The following DPF3 variants were observed in gnomAD, a reference collection of about 807,000 sequenced individuals.
DPF3 encodes the protein double PHD fingers 3.
In DPF3, 18 loss-of-function variants were observed where a neutral mutation model predicts 56.8. The ratio of observed to expected loss-of-function variants is 0.32; its 90% CI spans 0.22 to 0.47. The LOEUF is 0.47. Among genes scored for constraint, DPF3 ranks in the 20% least tolerant of loss-of-function variants. The pLI, the probability that DPF3 is intolerant of heterozygous loss-of-function variation, is 1.00. For missense variants in DPF3, 403 were observed against 488.8 expected, an observed-to-expected ratio of 0.82 and a Z score of 1.65; for synonymous variants, 188 against 180.2, an observed-to-expected ratio of 1.04 and a Z score of -0.35.
At chr14:72,792,107 G>A (rs1316059990) in intron 1 of DPF3, among the ~76,000 whole-genome samples, 5 of 106,462 alleles carry the variant, frequency 4.7e-5, no homozygotes, top group African/African-American at 7.2e-5. Flanking sequence ...CCCCAACCCC[G>A]ACCCACTGCT....
chr14:72,718,576 T>G (rs1254238535), intron 5 of DPF3, among the ~76,000 whole-genome samples: 1 of 152,296 alleles, frequency 6.6e-6, no homozygotes, highest in East Asian at 1.9e-4. Context: ...ATTTTTCTTG[T>G]AAATCTTTTT....
intron 1 of DPF3, among the ~76,000 whole-genome samples, chr14:72,869,142 G>T (rs550986287): frequency 6.6e-6 from 1 of 152,124 alleles, no homozygotes; most frequent in Non-Finnish European, 1.5e-5. Flanking sequence ...TATTCCCTCT[G>T]CTGGGATCAA....
chr14:72,624,608 G>A (rs1599310949), intron 9 of DPF3, among the ~76,000 whole-genome samples: 1 of 152,100 alleles, frequency 6.6e-6, no homozygotes, highest in East Asian at 1.9e-4. Context: ...CAAAGTGCTG[G>A]GATTACAGGC....
intron 7 of DPF3, among the ~76,000 whole-genome samples, chr14:72,680,814 G>A (rs1415685630): frequency 6.6e-6 from 1 of 152,238 alleles, no homozygotes; most frequent in Non-Finnish European, 1.5e-5. Flanking sequence ...CACAGGGAAG[G>A]GCCCCTAGGC....
chr14:72,838,559 A>T (rs1352257726), intron 1 of DPF3, among the ~76,000 whole-genome samples: 1 of 151,358 alleles, frequency 6.6e-6, no homozygotes, highest in Non-Finnish European at 1.5e-5. Flanking sequence ...CTTATTACAT[A>T]AAAATGGCAA....
intron 1 of DPF3, among the ~76,000 whole-genome samples, chr14:72,890,522 A>AATAATAATAATAATAATAATG (rs1555517361): frequency 6.6e-6 from 1 of 151,422 alleles, no homozygotes; most frequent in Non-Finnish European, 1.5e-5. Context: ...TAATAATAAT[A>AATAATAATAATAATAATAATG]GCATTATGTT....
intron 1 of DPF3, among the ~76,000 whole-genome samples, chr14:72,785,538 T>C (rs1433806541): frequency 6.6e-6 from 1 of 152,206 alleles, no homozygotes; most frequent in East Asian, 1.9e-4. Context: ...AGAACTAGAA[T>C]AACCTGAACA....
At chr14:72,842,385 A>T (rs555436356) in intron 1 of DPF3, among the ~76,000 whole-genome samples, 2 of 152,242 alleles carry the variant, frequency 1.3e-5, no homozygotes, top group African/African-American at 4.8e-5. Flanking sequence ...ATAACAGAGC[A>T]CTATATAGCG....
chr14:72,733,836 G>A (rs1306076967), intron 3 of DPF3, among the ~76,000 whole-genome samples: 2 of 152,184 alleles, frequency 1.3e-5, no homozygotes, highest in African/African-American at 4.8e-5. Flanking sequence ...ACCAATCCAT[G>A]AGGAAGCGGC....
chr14:72,744,264 G>A lies in DPF3; in HGVS notation c.301+9000C>T, dbSNP rs564302854. On this transcript the variant is annotated intron_variant, in intron 3 of 10. Transcript: ENST00000556509. ...CCCAGGAACAAATGACTCGATGTCA[G>A]CCAAGACCCAGCTCCCCACTTTTTT... is the stretch of plus-strand genomic sequence containing the variant. Among the ~76,000 whole-genome samples the A allele has an allele frequency of 2.0e-5, 3 of 152,270 alleles. No homozygotes were observed. The East Asian group carries it at 5.8e-4, about 29-fold the overall frequency.
At chr14:72,836,169 G>A (rs1012683890) in intron 1 of DPF3, 4 of 986,028 alleles carry the variant, frequency 4.1e-6, no homozygotes, top group Middle Eastern at 5.1e-4. Flanking sequence ...TCTCAGAAGG[G>A]GTTGGAGCCT....
At chr14:72,625,594 A>G (rs1442540910) in intron 9 of DPF3, among the ~76,000 whole-genome samples, 1 of 152,136 alleles carries the variant, frequency 6.6e-6, no homozygotes, top group African/African-American at 2.4e-5. Context: ...ATGTGTCTTC[A>G]TTGCTTCTGT....
chr14:72,683,610 C>T (rs1451745367), intron 7 of DPF3, among the ~76,000 whole-genome samples: 1 of 152,154 alleles, frequency 6.6e-6, no homozygotes, highest in Non-Finnish European at 1.5e-5. Flanking sequence ...TAAGGTCACA[C>T]GTTAGTCAGT....
At chr14:72,737,633 T>C (rs765395233) in intron 3 of DPF3, among the ~76,000 whole-genome samples, 2 of 152,198 alleles carry the variant, frequency 1.3e-5, no homozygotes, top group Non-Finnish European at 2.9e-5. Flanking sequence ...AGTTCTTCTT[T>C]GGGGAAATAT....
At chr14:72,853,184 C>G (rs11848634) in intron 1 of DPF3, 1 of 150,812 alleles carries the variant, frequency 6.6e-6, no homozygotes, top group Non-Finnish European at 1.5e-5. Context: ...ATGTTCTTTA[C>G]TGTGCATTGT....
chr14:72,716,096 C>G (rs1173464802), intron 5 of DPF3, among the ~76,000 whole-genome samples: 1 of 151,630 alleles, frequency 6.6e-6, no homozygotes, highest in Non-Finnish European at 1.5e-5. Context: ...GAAAGCAAGT[C>G]AAGCAGAATG....
At chr14:72,718,345 C>G (rs1413395190) in intron 5 of DPF3, among the ~76,000 whole-genome samples, 1 of 152,126 alleles carries the variant, frequency 6.6e-6, no homozygotes, top group African/African-American at 2.4e-5. Context: ...ATCTTCTATA[C>G]CAGTTGTTCT....
intron 1 of DPF3, among the ~76,000 whole-genome samples, chr14:72,777,390 T>C (rs1307281257): frequency 6.6e-6 from 1 of 152,230 alleles, no homozygotes; most frequent in East Asian, 1.9e-4. Flanking sequence ...TTATTTTCCT[T>C]GAAGTGGTCC....
At chr14:72,683,340 A>AG (rs1254909642) in intron 7 of DPF3, among the ~76,000 whole-genome samples, 7 of 151,604 alleles carry the variant, frequency 4.6e-5, no homozygotes, top group Non-Finnish European at 7.4e-5. Flanking sequence ...AAAAAAAAAA[A>AG]AAAAAGCAAA....
Sources: allele counts gnomAD v4.1 joint callset (sites outside exome capture counted in the v4.1 genomes callset), GRCh38; gene constraint gnomAD v4.1.1; transcripts MANE v1.5; gene names NCBI Gene and HGNC (gene_info 2026-07-23, HGNC 2026-07-21).